The following NAV3 variants were observed in gnomAD, a reference collection of about 807,000 sequenced individuals.
NAV3 encodes pore membrane and/or filament interacting like protein 1.
Under a neutral mutation model 244.7 loss-of-function variants are expected in NAV3, and 87 were observed. The observed-to-expected ratio is 0.36, with a 90% CI of 0.30 to 0.42. NAV3 has a LOEUF of 0.42. Ranked by LOEUF, NAV3 falls within the 20% of genes least tolerant of loss-of-function variation. The pLI, the probability that NAV3 is intolerant of heterozygous loss-of-function variation, is 1.00. For missense variants in NAV3, 2,663 were observed against 2,893.3 expected (o/e 0.92, Z 1.83); for synonymous variants, 1,126 against 1,042.2 (o/e 1.08, Z -1.55).
chr12:78,186,407 G>C (rs991577414), intron 31 of NAV3, among the ~76,000 whole-genome samples: 5 of 151,802 alleles, frequency 3.3e-5, no homozygotes, highest in African/African-American at 1.2e-4. Flanking sequence ...AGTTTGAAAA[G>C]TAAGATAGCA....
intron 1 of NAV3, among the ~76,000 whole-genome samples, chr12:77,877,052 T>C (rs1347254119): frequency 6.6e-6 from 1 of 152,130 alleles, no homozygotes; most frequent in Non-Finnish European, 1.5e-5. Context: ...CTTAAAGCTA[T>C]GCAGAAAATT....
intron 2 of NAV3, among the ~76,000 whole-genome samples, chr12:77,781,856 G>A (rs974328663): frequency 6.6e-6 from 1 of 152,108 alleles, no homozygotes; most frequent in African/African-American, 2.4e-5. Flanking sequence ...AGAATGACTA[G>A]GGCAAGTGTT....
intron 2 of NAV3, among the ~76,000 whole-genome samples, chr12:77,636,161 G>A (rs1052796168): frequency 7.2e-5 from 11 of 152,130 alleles, no homozygotes; most frequent in Admixed American, 2.6e-4. Context: ...TTAGAATGGC[G>A]ATCATTAAAA....
chr12:78,151,116 T>C (rs950107481), intron 22 of NAV3, among the ~76,000 whole-genome samples: 2 of 152,020 alleles, frequency 1.3e-5, no homozygotes, highest in Middle Eastern at 3.2e-3. Flanking sequence ...GCCAAATAGA[T>C]AATTCATGCT....
intron 1 of NAV3, among the ~76,000 whole-genome samples, chr12:77,908,949 C>A (rs1886291717): frequency 6.6e-6 from 1 of 152,038 alleles, no homozygotes; most frequent in African/African-American, 2.4e-5. Context: ...TGGAAATGGG[C>A]TGACTGGATC....
chr12:77,776,537 C>A (rs541224968), intron 2 of NAV3, among the ~76,000 whole-genome samples: 69 of 152,254 alleles, frequency 4.5e-4, no homozygotes, highest in Non-Finnish European at 7.9e-4. Context: ...CTCATTTATT[C>A]ATTCAACTTT....
At chr12:78,074,325 G>C (rs912525687) in intron 12 of NAV3, among the ~76,000 whole-genome samples, 14 of 152,212 alleles carry the variant, frequency 9.2e-5, no homozygotes, top group Admixed American at 2.6e-4. Context: ...CTAGGACATA[G>C]AGGAGGGTCA....
chr12:77,881,117 A>G (rs758215000), intron 1 of NAV3, among the ~76,000 whole-genome samples: 1 of 152,166 alleles, frequency 6.6e-6, no homozygotes, highest in Non-Finnish European at 1.5e-5. Context: ...GAATGCCTAG[A>G]TATGTGTACT....
intron 2 of NAV3, among the ~76,000 whole-genome samples, chr12:77,620,063 G>C (rs961127389): frequency 6.6e-6 from 1 of 152,072 alleles, no homozygotes; most frequent in African/African-American, 2.4e-5. Context: ...CATTTGGAGA[G>C]GACTTTTTAG....
chr12:78,148,162 T>TC (rs1956936655), intron 21 of NAV3, among the ~76,000 whole-genome samples: 1 of 152,100 alleles, frequency 6.6e-6, no homozygotes, highest in Non-Finnish European at 1.5e-5. Flanking sequence ...ATTGGTTTTT[T>TC]CCCCTGATTT....
rs139960508 is a variant in NAV3, at chr12:77,983,361, G to A, written c.672-11442G>A. The stretch of plus-strand genomic sequence containing the variant: ...AATTTGGTGACTGATTGGAAGTAAG[G>A]GTAAAAGACAATCATCACGTCTCTA... On this transcript the variant is annotated intron_variant, in intron 5 of 39. Transcript: ENST00000397909. Among the ~76,000 whole-genome samples, 199 of 152,124 alleles carry A rather than the reference G, an allele frequency of 1.3e-3. 2 individuals carry two copies. The highest frequency in any genetic ancestry group is 4.4e-3 in the African/African-American group (184 of 41,496).
At chr12:78,166,838 G>T (rs1957799422) in intron 23 of NAV3, among the ~76,000 whole-genome samples, 1 of 151,580 alleles carries the variant, frequency 6.6e-6, no homozygotes, top group African/African-American at 2.4e-5. Flanking sequence ...TGACACTGTT[G>T]GCATGAGGTC....
intron 5 of NAV3, 66 bp from the exon 6 acceptor site, chr12:77,994,737 G>A (rs1207814104): frequency 1.6e-6 from 2 of 1,270,390 alleles, no homozygotes; most frequent in Non-Finnish European, 2.3e-6. Flanking sequence ...TTTCTTGTAA[G>A]TTTGTGCTTT....
intron 2 of NAV3, among the ~76,000 whole-genome samples, chr12:77,654,201 CAAAG>C (rs904199394): frequency 8.5e-5 from 13 of 152,318 alleles, no homozygotes; most frequent in African/African-American, 3.1e-4. Flanking sequence ...CTTTCCTAGT[CAAAG>C]AAAGGGGTGA....
intron 2 of NAV3, among the ~76,000 whole-genome samples, chr12:77,620,271 A>G (rs1431068755): frequency 6.6e-6 from 1 of 152,194 alleles, no homozygotes; most frequent in African/African-American, 2.4e-5. Flanking sequence ...TAAAATGATG[A>G]AAACTGCTTA....
At chr12:77,714,925 A>G (rs74106519) in intron 2 of NAV3, among the ~76,000 whole-genome samples, 3,642 of 152,196 alleles carry the variant, frequency 0.024, 144 homozygotes, top group African/African-American at 0.082. Context: ...TTCACGAAGT[A>G]CCTTTACTTA....
rs555879266 is a variant in NAV3, at chr12:77,755,531, T to G, written c.72+183265T>G. 3.5e-4 allele frequency among the ~76,000 whole-genome samples: 14 copies of G among 39,778 alleles called. 1 individual carries two copies. The highest frequency in any genetic ancestry group is 1.4e-3 in the African/African-American group (11 of 7,590). 26.1% of individuals were successfully genotyped at this position (39,778 alleles called of 152,430 possible). A position where few individuals can be genotyped will look rare whatever the true frequency, so the allele number is the denominator to read the frequency against. On this transcript the variant is annotated intron_variant, in intron 2 of 8. Transcript: ENST00000550042. ...CCTGTGCCTTTCCTTTCCTTTCCTT[T>G]CCTTTCCTTTCCTTTCCTTTCCTTT...
At chr12:78,132,486 C>T (rs1388186653) in intron 18 of NAV3, among the ~76,000 whole-genome samples, 7 of 152,114 alleles carry the variant, frequency 4.6e-5, no homozygotes, top group Non-Finnish European at 1.0e-4. Context: ...ACTTTTCCAA[C>T]TACAATTCTT....
chr12:77,791,378 C>G (rs1380711375), intron 2 of NAV3, among the ~76,000 whole-genome samples: 1 of 150,080 alleles, frequency 6.7e-6, no homozygotes, highest in Non-Finnish European at 1.5e-5. Flanking sequence ...AAAAAATTCC[C>G]TTTTATTTCA....
Sources: gnomAD v4.1 joint callset for allele counts (sites outside exome capture counted in the v4.1 genomes callset) on GRCh38, gnomAD v4.1.1 for gene constraint, MANE v1.5 for transcripts, NCBI Gene and HGNC (gene_info 2026-07-23, HGNC 2026-07-21) for gene names.